The following BNC2 variants were observed in gnomAD, a reference collection of about 807,000 sequenced individuals.
BNC2 encodes the protein basonuclin zinc finger protein 2.
BNC2 carries 20 observed loss-of-function variants against 76.3 expected under a neutral mutation model. That is an observed-to-expected ratio of 0.26 (90% confidence interval 0.18 to 0.38). The LOEUF is 0.38. BNC2 is among the 10% of genes least tolerant of loss of function. The probability of loss-of-function intolerance (pLI) is 1.00; values close to 1 mark genes in which losing one functional copy is unlikely to be tolerated. For synonymous variants in BNC2, 582 were observed against 514.8 expected, an observed-to-expected ratio of 1.13 and a Z score of -1.77; for missense variants, 1,382 against 1,399.8, an observed-to-expected ratio of 0.99 and a Z score of 0.20.
At chr9:16,511,498 G>C (rs1468624116) in intron 5 of BNC2, among the ~76,000 whole-genome samples, 2 of 139,332 alleles carry the variant, frequency 1.4e-5, no homozygotes, top group African/African-American at 5.5e-5. Flanking sequence ...CTCAAACATA[G>C]CTCACTGCAG....
chr9:16,806,323 T>C (rs531773050), intron 1 of BNC2, among the ~76,000 whole-genome samples: 1 of 152,188 alleles, frequency 6.6e-6, no homozygotes, highest in African/African-American at 2.4e-5. Flanking sequence ...GCAGTGATAG[T>C]GCCACTGCAC....
At chr9:16,509,589 T>C (rs1377947587) in intron 5 of BNC2, among the ~76,000 whole-genome samples, 1 of 152,126 alleles carries the variant, frequency 6.6e-6, no homozygotes, top group Non-Finnish European at 1.5e-5. Context: ...AAAGGAACAG[T>C]TTAAACTGAG....
chr9:16,553,673 T>C (rs1019999728), intron 4 of BNC2, among the ~76,000 whole-genome samples: 1 of 152,108 alleles, frequency 6.6e-6, no homozygotes, highest in African/African-American at 2.4e-5. Flanking sequence ...AAATGAAAAG[T>C]TCAACAATTG....
At chr9:16,846,313 A>G (rs911950186) in intron 1 of BNC2, among the ~76,000 whole-genome samples, 5 of 152,218 alleles carry the variant, frequency 3.3e-5, no homozygotes, top group Non-Finnish European at 5.9e-5. Context: ...ACCATTATCA[A>G]TAACAGAACT....
At chr9:16,479,527 C>A (rs761566059) in intron 5 of BNC2, among the ~76,000 whole-genome samples, 1 of 152,112 alleles carries the variant, frequency 6.6e-6, no homozygotes, top group Admixed American at 6.5e-5. Flanking sequence ...ACAGAAAAGT[C>A]GAATGAATTG....
intron 6 of BNC2, chr9:16,429,917 G>T: frequency 2.0e-6 from 1 of 511,998 alleles, no homozygotes; most frequent in Non-Finnish European, 3.9e-6. Context: ...TCATTAGGAA[G>T]ATCCGAGGCT....
rs1380839247 is a variant in BNC2, at chr9:16,415,107, C to T, written c.*3882G>A. 2 of 152,122 alleles carry T rather than the reference C, an allele frequency of 1.3e-5. No individual in the cohort carries two copies. Among genetic ancestry groups the T allele is most frequent in the Non-Finnish European group, 2.9e-5 (2 of 68,020 alleles). 9.4% of individuals were successfully genotyped at this position (152,122 alleles called of 1,614,324 possible). A position where few individuals can be genotyped will look rare whatever the true frequency, so the allele number is the denominator to read the frequency against. ...GCCATGTTGAAAAGGAAAACATTAACACCTTTAAACCTTTAAAAGGCATCA... is the reference window on the plus strand; with the variant it reads ...GCCATGTTGAAAAGGAAAACATTAATACCTTTAAACCTTTAAAAGGCATCA... On this transcript the variant is annotated 3_prime_UTR_variant, in exon 7 of 7. Transcript: ENST00000380672.
intron 3 of BNC2, among the ~76,000 whole-genome samples, chr9:16,693,163 G>A (rs1563901747): frequency 6.6e-6 from 1 of 151,632 alleles, no homozygotes; most frequent in South Asian, 2.1e-4. Flanking sequence ...TTCACTGGGG[G>A]ATGAGGGGGT....
intron 2 of BNC2, among the ~76,000 whole-genome samples, chr9:16,737,743 G>A (rs1343565893): frequency 6.6e-6 from 1 of 152,128 alleles, no homozygotes; most frequent in Non-Finnish European, 1.5e-5. Context: ...AAAGATGCCA[G>A]AAACCTATTA....
chr9:16,570,871 A>T (rs575802418), intron 4 of BNC2, among the ~76,000 whole-genome samples: 1 of 152,316 alleles, frequency 6.6e-6, no homozygotes, highest in South Asian at 2.1e-4. Flanking sequence ...TTCAGAAAAG[A>T]AGTGACATCT....
chr9:16,787,766 G>T (rs1290296181), intron 1 of BNC2, among the ~76,000 whole-genome samples: 1 of 152,104 alleles, frequency 6.6e-6, no homozygotes, highest in Non-Finnish European at 1.5e-5. Context: ...GCCCGGGCTG[G>T]TCTTGAACTT....
intron 1 of BNC2, among the ~76,000 whole-genome samples, chr9:16,778,194 ATAC>A (rs1826021979): frequency 6.6e-6 from 1 of 152,230 alleles, no homozygotes; most frequent in Admixed American, 6.5e-5. Context: ...ATACACACAA[ATAC>A]TACAATTACT....
chr9:16,748,441 G>T (rs1044620337), intron 1 of BNC2, among the ~76,000 whole-genome samples: 1 of 152,106 alleles, frequency 6.6e-6, no homozygotes, highest in South Asian at 2.1e-4. Flanking sequence ...TGAGCCCGGG[G>T]TGGTCGAGGC....
In BNC2 at chr9:16,416,309, G is replaced by C. The variant is rs1428513441; in HGVS notation, c.*2680C>G. ...AAAGCCAGAGTTTCTATAATGTTTT[G>C]TTGGGATATTAAAAATCTTTTCCCA... On this transcript the variant is annotated 3_prime_UTR_variant, in exon 7 of 7. Transcript: ENST00000380672. 6.6e-6 allele frequency: 1 copy of C among 152,556 alleles called. No homozygotes were observed. Among genetic ancestry groups the C allele is most frequent in the Non-Finnish European group, 1.5e-5 (1 of 68,018 alleles). 9.5% of individuals were successfully genotyped at this position (152,556 alleles called of 1,614,324 possible). A position where few individuals can be genotyped will look rare whatever the true frequency, so the allele number is the denominator to read the frequency against.
intron 3 of BNC2, among the ~76,000 whole-genome samples, chr9:16,639,959 T>A (rs1460214264): frequency 1.3e-5 from 2 of 152,096 alleles, no homozygotes; most frequent in African/African-American, 4.8e-5. Flanking sequence ...TTACATTTTT[T>A]CCCCCATTAG....
chr9:16,656,027 G>A (rs527911689), intron 3 of BNC2, among the ~76,000 whole-genome samples: 157 of 152,196 alleles, frequency 1.0e-3, no homozygotes, highest in Non-Finnish European at 1.9e-3. Context: ...TTGTCACCCA[G>A]GAAACACTGG....
intron 1 of BNC2, among the ~76,000 whole-genome samples, chr9:16,865,925 T>C (rs188539370): frequency 9.7e-4 from 148 of 152,256 alleles, no homozygotes; most frequent in Non-Finnish European, 2.6e-4. Context: ...AGCTGAACTC[T>C]TGAGTGTACT....
intron 3 of BNC2, among the ~76,000 whole-genome samples, chr9:16,668,756 A>C (rs114850289): frequency 0.016 from 2,498 of 152,290 alleles, 75 homozygotes; most frequent in African/African-American, 0.057. Flanking sequence ...GTAAGTGTGT[A>C]ATCTCTTTGA....
intron 3 of BNC2, among the ~76,000 whole-genome samples, chr9:16,587,635 T>C (rs1001633177): frequency 1.3e-5 from 2 of 152,168 alleles, no homozygotes; most frequent in African/African-American, 4.8e-5. Flanking sequence ...TTTGCTTGAC[T>C]GAGGTTATTT....
Sources: allele counts gnomAD v4.1 joint callset (sites outside exome capture counted in the v4.1 genomes callset), GRCh38; gene constraint gnomAD v4.1.1; transcripts MANE v1.5; gene names NCBI Gene and HGNC (gene_info 2026-07-23, HGNC 2026-07-21).